SPRYD7: variants seen among roughly 807,000 people sequenced by gnomAD.
SPRYD7 encodes the protein SPRY domain-containing protein 7.
SPRYD7 carries 14 observed loss-of-function variants against 23.8 expected under a neutral mutation model. The observed-to-expected ratio is 0.59, with a 90% CI of 0.39 to 0.92. The LOEUF (loss-of-function observed/expected upper bound fraction) is 0.92. SPRYD7 is among the 40% of genes least tolerant of loss of function. The pLI, the probability that SPRYD7 is intolerant of heterozygous loss-of-function variation, is 0.00. For missense variants in SPRYD7, 194 were observed against 241.7 expected, an observed-to-expected ratio of 0.80 and a Z score of 1.31; for synonymous variants, 75 against 84.9, an observed-to-expected ratio of 0.88 and a Z score of 0.64.
intron 3 of SPRYD7, among the ~76,000 whole-genome samples, chr13:49,925,341 G>A (rs1955870106): frequency 1.3e-5 from 2 of 151,840 alleles, no homozygotes; most frequent in East Asian, 3.9e-4. Context: ...GCAGTGAGCC[G>A]AGATGGCACC....
At chr13:49,916,475 G>A (rs1384796359) in intron 4 of SPRYD7, among the ~76,000 whole-genome samples, 1 of 151,718 alleles carries the variant, frequency 6.6e-6, no homozygotes, top group African/African-American at 2.4e-5. Context: ...CAGAACAAAC[G>A]AACAATAACA....
chr13:49,925,089 A>G (rs1445690340), intron 3 of SPRYD7, among the ~76,000 whole-genome samples: 1 of 151,880 alleles, frequency 6.6e-6, no homozygotes, highest in Non-Finnish European at 1.5e-5. Flanking sequence ...CACTTAGAGC[A>G]GTGCCCATAA....
chr13:49,934,555 CAAAAAAAAAAAAAAAA>C (rs889803067), intron 1 of SPRYD7, among the ~76,000 whole-genome samples: 1 of 54,408 alleles, frequency 1.8e-5, no homozygotes, highest in Non-Finnish European at 3.8e-5. Context: ...AACTCCGTCT[CAAAAAAAAAAAAAAAA>C]AAAAAAGAAA....
At chr13:49,936,038 GCA>G in intron 1 of SPRYD7, 90 bp downstream of exon 1, 4 of 741,502 alleles carry the variant, frequency 5.4e-6, no homozygotes, top group Non-Finnish European at 7.9e-6. Flanking sequence ...GCGCGGCGGG[GCA>G]GCGTGGGGAC....
At position 49,914,363 on chromosome 13, in the gene SPRYD7, T is replaced by C. The variant is rs556599104; in HGVS notation, c.*700A>G. 6.5e-6 allele frequency: 1 copy of C among 153,678 alleles called. No homozygotes were observed. The highest frequency in any genetic ancestry group is 1.5e-5 in the Non-Finnish European group (1 of 68,018). The allele number at this position is 153,678 out of a possible 1,614,324, so 9.5% of individuals were successfully genotyped here. Reference sequence around the variant, plus strand: ...AATAACCTCATTTAAATGTAAAGCATCATACTATTCTAGATGTCTGCCAGT... The same window carrying C: ...AATAACCTCATTTAAATGTAAAGCACCATACTATTCTAGATGTCTGCCAGT... On this transcript the variant is annotated 3_prime_UTR_variant, in exon 5 of 5. Coordinates refer to ENST00000361840, the MANE Select transcript of SPRYD7 (RefSeq NM_020456.4).
At chr13:49,932,097 C>T (rs9568359) in intron 1 of SPRYD7, among the ~76,000 whole-genome samples, 13,659 of 152,160 alleles carry the variant, frequency 0.09, 1,434 homozygotes, top group East Asian at 0.54. Context: ...AACATAAACA[C>T]AAGAGACTTT....
At chr13:49,925,795 G>C (rs1314639952) in intron 3 of SPRYD7, among the ~76,000 whole-genome samples, 1 of 151,082 alleles carries the variant, frequency 6.6e-6, no homozygotes, top group Non-Finnish European at 1.5e-5. Flanking sequence ...CTGGGTGACA[G>C]AGCGAGTGGC....
intron 1 of SPRYD7, among the ~76,000 whole-genome samples, chr13:49,932,284 C>T (rs1871419218): frequency 6.6e-6 from 1 of 152,176 alleles, no homozygotes; most frequent in Non-Finnish European, 1.5e-5. Flanking sequence ...CAGTGACAAA[C>T]TGCTAACTTT....
chr13:49,924,333 C>T lies in SPRYD7; in HGVS notation c.391-2753G>A, dbSNP rs557921177. On this transcript the variant is annotated intron_variant, in intron 3 of 4. Transcript: ENST00000361840. ...GTGGCCCAGGTTGGGTGGAGTGCAG[C>T]GGCAGGATCACGGCTCACTGCCGCC... Among the ~76,000 whole-genome samples, 31 of 151,972 alleles carry T rather than the reference C, an allele frequency of 2.0e-4. No homozygotes were observed. The South Asian group carries it at 2.3e-3, about 11-fold the overall frequency.
chr13:49,931,482 G>A (rs921109544), intron 1 of SPRYD7, among the ~76,000 whole-genome samples: 1 of 151,994 alleles, frequency 6.6e-6, no homozygotes. Context: ...GCCTGGCCAA[G>A]TTTTCTATTT....
At chr13:49,917,339 G>A (rs1345787282) in intron 4 of SPRYD7, among the ~76,000 whole-genome samples, 2 of 152,246 alleles carry the variant, frequency 1.3e-5, no homozygotes, top group East Asian at 1.9e-4. Flanking sequence ...TCCTGACCTC[G>A]TGATCCGCCT....
chr13:49,922,865 T>C (rs1428240486), intron 3 of SPRYD7, among the ~76,000 whole-genome samples: 1 of 152,164 alleles, frequency 6.6e-6, no homozygotes, highest in Non-Finnish European at 1.5e-5. Context: ...TCTCTCTCTT[T>C]ACAAGCAAGA....
chr13:49,930,792 A>T (rs1205238834), intron 2 of SPRYD7, among the ~76,000 whole-genome samples: 1 of 152,208 alleles, frequency 6.6e-6, no homozygotes, highest in African/African-American at 2.4e-5. Context: ...CCTGTGAGGC[A>T]GAATGGGCAG....
chr13:49,928,420 C>T (rs778460704), intron 2 of SPRYD7, among the ~76,000 whole-genome samples: 17 of 151,942 alleles, frequency 1.1e-4, no homozygotes, highest in Non-Finnish European at 2.1e-4. Context: ...CCAGCCTGAG[C>T]GACAAAGCCA....
chr13:49,926,273 T>C (rs2407880), intron 3 of SPRYD7, among the ~76,000 whole-genome samples: 23 of 152,338 alleles, frequency 1.5e-4, no homozygotes, highest in African/African-American at 5.5e-4. Flanking sequence ...TTACAATGAA[T>C]GAAATGAGAT....
intron 1 of SPRYD7, chr13:49,935,842 G>A: frequency 3.7e-6 from 1 of 269,730 alleles, no homozygotes. Context: ...CCCCTCGCCC[G>A]AGGACGTGTG....
intron 3 of SPRYD7, 37 bp downstream of exon 3, chr13:49,927,882 C>T: frequency 6.2e-7 from 1 of 1,608,796 alleles, no homozygotes; most frequent in Non-Finnish European, 8.5e-7. Context: ...CAAATTTAGT[C>T]ATTTACAGTG....
At chr13:49,919,008 G>A (rs1272226767) in intron 4 of SPRYD7, among the ~76,000 whole-genome samples, 1 of 151,362 alleles carries the variant, frequency 6.6e-6, no homozygotes, top group African/African-American at 2.4e-5. Context: ...GAGCCACCAC[G>A]CCAGTCCTAA....
intron 4 of SPRYD7, among the ~76,000 whole-genome samples, chr13:49,920,550 G>A (rs767293308): frequency 6.6e-6 from 1 of 152,116 alleles, no homozygotes; most frequent in African/African-American, 2.4e-5. Flanking sequence ...TACGGTTATT[G>A]CATATTTAAG....
Sources: gnomAD v4.1 joint callset for allele counts (sites outside exome capture counted in the v4.1 genomes callset) on GRCh38, gnomAD v4.1.1 for gene constraint, MANE v1.5 for transcripts, NCBI Gene and HGNC (gene_info 2026-07-23, HGNC 2026-07-21) for gene names.